The following CDX2 variants were observed in gnomAD, a reference collection of about 807,000 sequenced individuals.
CDX2 encodes the protein caudal type homeobox 2.
CDX2 carries 7 observed loss-of-function variants against 25.5 expected under a neutral mutation model. That is an observed-to-expected ratio of 0.27 (90% CI 0.16 to 0.52). CDX2 has a LOEUF of 0.52. Among genes scored for constraint, CDX2 ranks in the 20% least tolerant of loss-of-function variants. The pLI is 0.97. For synonymous variants in CDX2, 222 were observed against 198.6 expected (o/e 1.12, Z -0.99); for missense variants, 375 against 431.4 (o/e 0.87, Z 1.16).
In CDX2 at chr13:27,960,918, T is replaced by C. The variant is rs1189596806; in HGVS notation, c.*2197A>G. ...AAGCAAACAACCCATGTGCTCTTGC[T>C]CCACTGTCCAAACAGGGTTTATTGA... On this transcript the variant is annotated 3_prime_UTR_variant, in exon 3 of 3. Coordinates refer to ENST00000381020, the MANE Select transcript of CDX2 (RefSeq NM_001265.6). Among the ~76,000 whole-genome samples, 1 of 152,232 alleles carries C rather than the reference T, an allele frequency of 6.6e-6. No individual in the cohort carries two copies. The highest frequency in any genetic ancestry group is 1.5e-5 in the Non-Finnish European group (1 of 68,028).
At chr13:27,963,742 A>C (rs1447185845) in intron 2 of CDX2, among the ~76,000 whole-genome samples, 2 of 152,212 alleles carry the variant, frequency 1.3e-5, no homozygotes, top group Admixed American at 6.5e-5. Context: ...TTGGCCCCTC[A>C]AGGCTAAACT....
Position 27,964,729 on chromosome 13 carries a change from A to AG in CDX2, c.687+140_687+141insC, listed in dbSNP as rs1566036230. 2.8e-4 allele frequency: 140 copies of AG among 497,724 alleles called. 4 individuals are homozygous for AG. Among genetic ancestry groups the AG allele is most frequent in the Admixed American group, 7.0e-4 (19 of 27,284 alleles). 30.8% of individuals were successfully genotyped at this position (497,724 alleles called of 1,614,324 possible). A position where few individuals can be genotyped will look rare whatever the true frequency, so the allele number is the denominator to read the frequency against. The stretch of plus-strand genomic sequence containing the variant: ...TGTTTAAAAAAAAAAAAAAAAAAAA[A>AG]AAGGACTCCAAAGACGAATGCTTGC... On this transcript the variant is annotated intron_variant, in intron 2 of 2. Transcript: ENST00000381020. This position sits in a 1 kb window ranked among gnomAD's most constrained non-coding sequence, Gnocchi z 4.7.
chr13:27,961,226 C>T lies in CDX2; in HGVS notation c.*1889G>A, dbSNP rs1309382323. ...CCAATCCTGGAGCTGTATACGCCACCCGGAAGGGCCGCGGAATTGGAGAGG... is the reference window on the plus strand; with the variant it reads ...CCAATCCTGGAGCTGTATACGCCACTCGGAAGGGCCGCGGAATTGGAGAGG... On this transcript the variant is annotated 3_prime_UTR_variant, in exon 3 of 3. Coordinates refer to ENST00000381020, the MANE Select transcript of CDX2 (RefSeq NM_001265.6). Among the ~76,000 whole-genome samples the T allele has an allele frequency of 5.2e-5, 8 of 152,382 alleles. No homozygotes were observed. Among genetic ancestry groups the T allele is most frequent in the Admixed American group, 5.2e-4 (8 of 15,312 alleles).
At position 27,969,030 on chromosome 13, in the gene CDX2, C is replaced by A; in HGVS notation, c.-24G>T. The A allele has an allele frequency of 6.4e-7, 1 of 1,562,534 alleles. No individual in the cohort carries two copies. The highest frequency in any genetic ancestry group is 1.1e-5 in the South Asian group (1 of 89,238). ...ATGGTGGCGAGGGTCCGGGAGCAGACCTCACCATGCTGCCTGGGGACCGAC... is the reference window on the plus strand; with the variant it reads ...ATGGTGGCGAGGGTCCGGGAGCAGAACTCACCATGCTGCCTGGGGACCGAC... On this transcript the variant is annotated 5_prime_UTR_variant, in exon 1 of 3. Coordinates refer to ENST00000381020, the MANE Select transcript of CDX2 (RefSeq NM_001265.6).
rs1386579596 is a variant in CDX2 at position 27,963,153 on chromosome 13, G to A, written c.904C>T (p.Pro302Ser). 1 of 1,614,030 alleles carries A rather than the reference G, an allele frequency of 6.2e-7. No individual in the cohort carries two copies. Among genetic ancestry groups the A allele is most frequent in the Admixed American group, 1.7e-5 (1 of 60,014 alleles). Reference protein sequence around the residue: ...VPGSVPGVLGPTGGVLNPTVT... With the variant: ...VPGSVPGVLGSTGGVLNPTVT... ...GTGGGGTTTAGCACCCCCCCAGTTG[G>A]CCCCAGAACCCCAGGGACAGAGCCA... The change falls in exon 3 of 3, where the codon CCA becomes TCA. Residue 302 changes from proline (P) to serine (S), a missense_variant. Pro to Ser is a moderately conservative substitution (Grantham distance 74). This residue lies in a region of CDX2 where 58 missense variants were observed against 59.4 expected (regional missense o/e 0.98). Transcript: ENST00000381020.
intron 1 of CDX2, among the ~76,000 whole-genome samples, 169 bp downstream of exon 1, chr13:27,968,297 C>A (rs1869436632): frequency 6.6e-6 from 1 of 152,228 alleles, no homozygotes; most frequent in Non-Finnish European, 1.5e-5. Context: ...AGAGAAGCCC[C>A]GACGGGCCAG....
At chr13:27,965,105 C>A (rs183010536) in intron 1 of CDX2, 90 bp from the exon 2 acceptor site, 52 of 1,391,390 alleles carry the variant, frequency 3.7e-5, no homozygotes, top group East Asian at 2.0e-4. Context: ...AGGGACATTT[C>A]TCTTCCTCCA....
Position 27,964,725 on chromosome 13 carries a change from AAAAAAAG to A in CDX2, c.687+138_687+144del. 1 of 686,018 alleles carries A rather than the reference AAAAAAAG, an allele frequency of 1.5e-6. No homozygotes were observed. Among genetic ancestry groups the A allele is most frequent in the East Asian group, 2.7e-5 (1 of 36,492 alleles). 42.5% of individuals were successfully genotyped at this position (686,018 alleles called of 1,614,324 possible). A position where few individuals can be genotyped will look rare whatever the true frequency, so the allele number is the denominator to read the frequency against. On this transcript the variant is annotated intron_variant, in intron 2 of 2. Transcript: ENST00000381020. This position sits in a 1 kb window ranked among gnomAD's most constrained non-coding sequence, Gnocchi z 4.7. ...TCTCTGTTTAAAAAAAAAAAAAAAA[AAAAAAAG>A]GACTCCAAAGACGAATGCTTGCATC... is the stretch of plus-strand genomic sequence containing the variant.
At chr13:27,965,143 G>C in intron 1 of CDX2, 128 bp from the exon 2 acceptor site, 1 of 1,021,440 alleles carries the variant, frequency 9.8e-7, no homozygotes, top group Non-Finnish European at 1.4e-6. Flanking sequence ...GGTTTGGCTG[G>C]TTCCTGCCAA....
Position 27,961,018 on chromosome 13 carries a change from A to G in CDX2, c.*2097T>C, listed in dbSNP as rs894130014. ...CTGTGGGCGCGGCCGGGGCGCGGGG[A>G]GACCTGCGGGGCACCGGGGCTCAGA... On this transcript the variant is annotated 3_prime_UTR_variant, in exon 3 of 3. Coordinates refer to ENST00000381020, the MANE Select transcript of CDX2 (RefSeq NM_001265.6). Among the ~76,000 whole-genome samples the G allele has an allele frequency of 6.6e-6, 1 of 151,906 alleles. No homozygotes were observed. Among genetic ancestry groups the G allele is most frequent in the African/African-American group, 2.4e-5 (1 of 41,336 alleles).
chr13:27,968,395 G>A, intron 1 of CDX2, 71 bp downstream of exon 1: 1 of 1,385,710 alleles, frequency 7.2e-7, no homozygotes, highest in Non-Finnish European at 9.3e-7. Flanking sequence ...CTGGACGCGC[G>A]ACGCGCAGCA....
rs140620214 is a variant in CDX2, at chr13:27,963,127, G to A, written c.930C>T (p.Thr310=). 556 of 1,612,700 alleles carry A rather than the reference G, an allele frequency of 3.4e-4. 3 individuals are homozygous for A. Among genetic ancestry groups the A allele is most frequent in the East Asian group, 2.2e-3 (98 of 44,834 alleles). ...AGAACCCGGTGGGTCACTGGGTGAC[G>A]GTGGGGTTTAGCACCCCCCCAGTTG... ...LGPTGGVLNP[T]VTQ The change falls in exon 3 of 3, where the codon ACC becomes ACT. Residue 310 remains threonine (T), a synonymous_variant. Coordinates refer to ENST00000381020, the MANE Select transcript of CDX2 (RefSeq NM_001265.6).
At chr13:27,965,310 A>G (rs929010993) in intron 1 of CDX2, among the ~76,000 whole-genome samples, 6 of 152,158 alleles carry the variant, frequency 3.9e-5, no homozygotes, top group Non-Finnish European at 8.8e-5. Flanking sequence ...CTTTCGGTAA[A>G]CCAAATACAG....
At chr13:27,965,913 T>A (rs569519911) in intron 1 of CDX2, among the ~76,000 whole-genome samples, 113 of 152,332 alleles carry the variant, frequency 7.4e-4, no homozygotes, top group Middle Eastern at 3.4e-3. Flanking sequence ...CACTTTTGGG[T>A]CTTCTTGCAG....
chr13:27,963,147 C>A lies in CDX2; in HGVS notation c.910G>T (p.Gly304Trp), dbSNP rs186344616. The A allele has an allele frequency of 1.6e-5, 26 of 1,613,894 alleles. No individual in the cohort carries two copies. Among genetic ancestry groups the A allele is most frequent in the East Asian group, 4.5e-5 (2 of 44,876 alleles). Residue 304 changes from glycine (G) to tryptophan (W), a missense_variant, in exon 3 of 3, where the codon GGG becomes TGG. By Grantham distance (184) the Gly-to-Trp change is radical (BLOSUM62 -2). This residue lies in a region of CDX2 where 58 missense variants were observed against 59.4 expected (regional missense o/e 0.98). Coordinates refer to ENST00000381020, the MANE Select transcript of CDX2 (RefSeq NM_001265.6). ...GTGACGGTGGGGTTTAGCACCCCCC[C>A]AGTTGGCCCCAGAACCCCAGGGACA... is the stretch of plus-strand genomic sequence containing the variant. ...GSVPGVLGPT[G>W]GVLNPTVTQ
chr13:27,968,403 G>C, intron 1 of CDX2, 63 bp downstream of exon 1: 2 of 1,402,632 alleles, frequency 1.4e-6, no homozygotes, highest in South Asian at 3.3e-5. Flanking sequence ...GCGACGCGCA[G>C]CAGCCACTGG....
At position 27,969,087 on chromosome 13, in the gene CDX2, G is replaced by A. The variant is rs1869506173; in HGVS notation, c.-81C>T. The A allele has an allele frequency of 5.4e-6, 6 of 1,101,032 alleles. No homozygotes were observed. In the South Asian group the frequency reaches 8.9e-5, roughly 16 times the overall value. 68.2% of individuals were successfully genotyped at this position (1,101,032 alleles called of 1,614,324 possible). The stretch of plus-strand genomic sequence containing the variant: ...GGCTGCCGGGGGGCACGAAGGGAAA[G>A]GGGCGAGGGGACTCGAGGAGCGGCG... On this transcript the variant is annotated 5_prime_UTR_variant, in exon 1 of 3. Transcript: ENST00000381020.
rs1335637559 is a variant in CDX2 at position 27,961,707 on chromosome 13, T to A, written c.*1408A>T. Among the ~76,000 whole-genome samples, 1 of 151,978 alleles carries A rather than the reference T, an allele frequency of 6.6e-6. No homozygotes were observed. The highest frequency in any genetic ancestry group is 2.1e-4 in the South Asian group (1 of 4,816). On this transcript the variant is annotated 3_prime_UTR_variant, in exon 3 of 3. Transcript: ENST00000381020. ...TAGGGGGATTTTTTTTAAAAAAAAT[T>A]TAATGCTCACGTTTAACTAGCTGGG...
rs1248455878 is a variant in CDX2 at position 27,968,960 on chromosome 13, C to T, written c.47G>A (p.Ser16Asn). ...GAGGCCGCCAGAGTGGCGCACGGAG[C>T]TAGGGTACATGCTCACGTCCTTGTC... is the stretch of plus-strand genomic sequence containing the variant. ...LLDKDVSMYP[S>N]SVRHSGGLNL... The change falls in exon 1 of 3, where the codon AGC (serine) becomes AAC (asparagine). Residue 16 changes from serine (S) to asparagine (N), a missense_variant. Ser to Asn is a conservative substitution (Grantham distance 46). This residue lies in a region of CDX2 where 253 missense variants were observed against 247.5 expected (regional missense o/e 1.02). Coordinates refer to ENST00000381020, the MANE Select transcript of CDX2 (RefSeq NM_001265.6). The T allele has an allele frequency of 6.2e-7, 1 of 1,606,842 alleles. No homozygotes were observed. The highest frequency in any genetic ancestry group is 2.2e-5 in the East Asian group (1 of 44,794).
Sources: gnomAD v4.1 joint callset for allele counts (sites outside exome capture counted in the v4.1 genomes callset) on GRCh38, gnomAD v4.1.1 for gene constraint, gnomAD v4.1.1 regional missense constraint, Gnocchi (gnomAD v3.1) non-coding constraint, MANE v1.5 for transcripts, NCBI Gene and HGNC (gene_info 2026-07-23, HGNC 2026-07-21) for gene names.